The following GNG2 variants were observed in gnomAD, a reference collection of about 807,000 sequenced individuals.
GNG2 encodes guanine nucleotide-binding protein G(I)/G(S)/G(O) subunit gamma-2.
GNG2 carries 5 observed loss-of-function variants against 5.5 expected under a neutral mutation model. That is an observed-to-expected ratio of 0.91 (90% CI 0.48 to 1.92). The LOEUF is 1.92. GNG2 is among the 30% of genes most tolerant of loss of function. The pLI is 0.01. For synonymous variants in GNG2, 28 were observed against 32.0 expected, an observed-to-expected ratio of 0.88 and a Z score of 0.42; for missense variants, 55 against 88.4, an observed-to-expected ratio of 0.62 and a Z score of 1.52.
At chr14:51,922,826 G>T (rs183245413) in intron 2 of GNG2, among the ~76,000 whole-genome samples, 1 of 152,152 alleles carries the variant, frequency 6.6e-6, no homozygotes, top group African/African-American at 2.4e-5. Flanking sequence ...GCAGCCGGGG[G>T]TGGAAAGTCT....
intron 2 of GNG2, among the ~76,000 whole-genome samples, chr14:51,938,684 A>T (rs1045564205): frequency 6.6e-6 from 1 of 152,208 alleles, no homozygotes; most frequent in Non-Finnish European, 1.5e-5. Flanking sequence ...TAACACAGTG[A>T]TGGCAAACAG....
chr14:51,875,939 A>ATTTTTTTCTTTT (rs1555350561), intron 1 of GNG2, among the ~76,000 whole-genome samples: 10 of 83,590 alleles, frequency 1.2e-4, no homozygotes, highest in African/African-American at 5.6e-4. Context: ...TCATTTAAAC[A>ATTTTTTTCTTTT]TTTTTTTCTT....
chr14:51,945,468 A>G (rs1262460010), intron 2 of GNG2, among the ~76,000 whole-genome samples: 1 of 152,208 alleles, frequency 6.6e-6, no homozygotes, highest in East Asian at 1.9e-4. Flanking sequence ...CTTCTATGAG[A>G]TACCTAAAGT....
At chr14:51,839,591 A>G (rs1380537484) in intron 2 of GNG2, among the ~76,000 whole-genome samples, 1 of 152,160 alleles carries the variant, frequency 6.6e-6, no homozygotes, top group Non-Finnish European at 1.5e-5. Context: ...AGATAAAAAC[A>G]GATCAATGGT....
At chr14:51,897,931 C>A (rs867264205) in intron 2 of GNG2, among the ~76,000 whole-genome samples, 2 of 152,126 alleles carry the variant, frequency 1.3e-5, no homozygotes, top group Non-Finnish European at 2.9e-5. Flanking sequence ...GACTGGGAGG[C>A]CTGCTAGTAT....
intron 3 of GNG2, among the ~76,000 whole-genome samples, chr14:51,957,159 C>A (rs1045734671): frequency 4.0e-5 from 6 of 151,884 alleles, no homozygotes; most frequent in Admixed American, 2.6e-4. Context: ...TGCAGTAGAT[C>A]CCACCTCTCT....
At chr14:51,926,688 G>T (rs1453709915) in intron 2 of GNG2, among the ~76,000 whole-genome samples, 1 of 152,126 alleles carries the variant, frequency 6.6e-6, no homozygotes, top group East Asian at 1.9e-4. Flanking sequence ...TTCCTTTTCC[G>T]GTGTGGAACC....
chr14:51,885,110 C>T (rs1221334975), intron 2 of GNG2, among the ~76,000 whole-genome samples: 2 of 152,132 alleles, frequency 1.3e-5, no homozygotes, highest in Non-Finnish European at 2.9e-5. Context: ...CCATGTGAGC[C>T]AATACATTCC....
intron 2 of GNG2, among the ~76,000 whole-genome samples, chr14:51,852,270 A>C (rs1174260008): frequency 6.6e-6 from 1 of 152,224 alleles, no homozygotes; most frequent in Non-Finnish European, 1.5e-5. Context: ...AAAGAGCCCT[A>C]CAGAAACTTG....
chr14:51,900,707 T>C (rs552974393), intron 2 of GNG2, among the ~76,000 whole-genome samples: 1 of 151,982 alleles, frequency 6.6e-6, no homozygotes, highest in Admixed American at 6.6e-5. Flanking sequence ...AGGGTAGAAA[T>C]GGGCCTGGGG....
At chr14:51,836,441 TA>T in intron 2 of GNG2, among the ~76,000 whole-genome samples, 1 of 152,274 alleles carries the variant, frequency 6.6e-6, no homozygotes, top group Admixed American at 6.5e-5. Context: ...ATATGCAACA[TA>T]AGAATATATA....
At chr14:51,846,865 G>T (rs1881642295) in intron 2 of GNG2, among the ~76,000 whole-genome samples, 1 of 152,204 alleles carries the variant, frequency 6.6e-6, no homozygotes, top group Non-Finnish European at 1.5e-5. Flanking sequence ...GAAAGCTTGA[G>T]ATGCAATCCT....
At chr14:51,877,979 T>C (rs753347676) in intron 2 of GNG2, 6 of 209,102 alleles carry the variant, frequency 2.9e-5, no homozygotes, top group Middle Eastern at 2.0e-3. Context: ...ATTGAGGGCA[T>C]ACCCTGTGCA....
chr14:51,890,364 A>C (rs761580000), intron 2 of GNG2, among the ~76,000 whole-genome samples: 4 of 152,242 alleles, frequency 2.6e-5, no homozygotes, highest in Non-Finnish European at 4.4e-5. Context: ...CTTACTAGCC[A>C]AGGTTGGAGT....
At chr14:51,859,671 A>C (rs1204998865), upstream of GNG2, among the ~76,000 whole-genome samples, 1 of 152,210 alleles carries the variant, frequency 6.6e-6, no homozygotes, top group Non-Finnish European at 1.5e-5. Flanking sequence ...AAGTTCATAC[A>C]GTCATTAATG....
At chr14:51,864,836 A>C (rs979866178) in intron 1 of GNG2, among the ~76,000 whole-genome samples, 3 of 152,190 alleles carry the variant, frequency 2.0e-5, no homozygotes, top group African/African-American at 7.2e-5. Flanking sequence ...ACTTGTGGGG[A>C]GGGGCTACAG....
At chr14:51,891,586 G>T (rs1884857261) in intron 2 of GNG2, among the ~76,000 whole-genome samples, 1 of 152,108 alleles carries the variant, frequency 6.6e-6, no homozygotes, top group Non-Finnish European at 1.5e-5. Flanking sequence ...TTCCCAGAAA[G>T]CCATAATCTG....
At chr14:51,964,858 G>T (rs2140308764) in intron 3 of GNG2, among the ~76,000 whole-genome samples, 1 of 152,280 alleles carries the variant, frequency 6.6e-6, no homozygotes, top group South Asian at 2.1e-4. Flanking sequence ...AACCAGCTAG[G>T]CATGGTGGCA....
chr14:51,850,051 C>T (rs762202796), intron 2 of GNG2, among the ~76,000 whole-genome samples: 4 of 152,168 alleles, frequency 2.6e-5, no homozygotes, highest in African/African-American at 9.7e-5. Context: ...TTGTTCCTCC[C>T]AACCCAACTC....
Sources: allele counts gnomAD v4.1 joint callset (sites outside exome capture counted in the v4.1 genomes callset), GRCh38; gene constraint gnomAD v4.1.1; transcripts MANE v1.5; gene names NCBI Gene and HGNC (gene_info 2026-07-23, HGNC 2026-07-21).